HEATR4: variants seen among roughly 807,000 people sequenced by gnomAD.
HEATR4 encodes HEAT repeat-containing protein 4.
A neutral mutation model predicts 108.8 loss-of-function variants in HEATR4; 95 were observed. That is an observed-to-expected ratio of 0.87 (90% CI 0.74 to 1.04). HEATR4 has a LOEUF of 1.04. Among genes scored for constraint, HEATR4 ranks in the 50% least tolerant of loss-of-function variants. HEATR4 has a pLI of 0.00. For synonymous variants in HEATR4, 443 were observed against 459.4 expected (o/e 0.96, Z 0.46); for missense variants, 1,152 against 1,253.8 (o/e 0.92, Z 1.23).
intron 10 of HEATR4, among the ~76,000 whole-genome samples, chr14:73,505,260 C>T (rs1886736722): frequency 6.6e-6 from 1 of 152,124 alleles, no homozygotes; most frequent in Admixed American, 6.6e-5. Flanking sequence ...ACACTAATCT[C>T]TCTCTCTCTG....
chr14:73,492,191 G>T lies in HEATR4; in HGVS notation c.2844+875C>A. 1 of 1,614,000 alleles carries T rather than the reference G, an allele frequency of 6.2e-7. No homozygotes were observed. The highest frequency in any genetic ancestry group is 8.5e-7 in the Non-Finnish European group (1 of 1,179,898). ...TGAGCCGGTGCTGCAGACCGTGCTGGAACCTGGAGATTTGCTGTATTTTCC... is the reference window on the plus strand; with the variant it reads ...TGAGCCGGTGCTGCAGACCGTGCTGTAACCTGGAGATTTGCTGTATTTTCC... On this transcript the variant is annotated intron_variant, in intron 17 of 17. Transcript: ENST00000553558. The surrounding 1 kb of genome is among the most constrained non-coding windows in gnomAD (Gnocchi z 4.9).
At chr14:73,592,192 T>C in the HEATR4 span, 1 of 1,609,806 alleles carries the variant, frequency 6.2e-7, no homozygotes, top group Admixed American at 1.7e-5. Flanking sequence ...CTCGAGCCCA[T>C]GGGGCTGCTC....
chr14:73,585,474 A>C, the HEATR4 span, among the ~76,000 whole-genome samples: 3,175 of 151,632 alleles, frequency 0.021, 112 homozygotes, highest in African/African-American at 0.071. Flanking sequence ...TACCTGGGCT[A>C]AGGAGTTCAA....
intron 10 of HEATR4, among the ~76,000 whole-genome samples, chr14:73,504,753 A>G (rs892669317): frequency 1.3e-5 from 2 of 152,188 alleles, no homozygotes. Flanking sequence ...GGGAATGGCA[A>G]TGTTCTGGGC....
rs1272211155 is a variant in HEATR4, at chr14:73,544,678, T to G, written c.-152+14073A>C. ...TAGGCTTGGCATGGTGGCTCACACT[T>G]GTAATGCCAGCACTTTGGGAGGCCA... On this transcript the variant is annotated intron_variant, in intron 1 of 17. Coordinates refer to ENST00000553558, the MANE Select transcript of HEATR4 (RefSeq NM_001220484.1). Among the ~76,000 whole-genome samples the G allele has an allele frequency of 9.5e-5, 11 of 115,456 alleles. 2 individuals are homozygous for G. Among genetic ancestry groups the G allele is most frequent in the African/African-American group, 3.1e-4 (11 of 35,518 alleles). 75.7% of individuals were successfully genotyped at this position (115,456 alleles called of 152,430 possible).
the HEATR4 span, among the ~76,000 whole-genome samples, chr14:73,622,065 T>A: frequency 6.6e-6 from 1 of 151,274 alleles, no homozygotes; most frequent in Non-Finnish European, 1.5e-5. Flanking sequence ...GCCTGGCCTG[T>A]GTAGTATAAT....
chr14:73,572,739 G>A, the HEATR4 span, among the ~76,000 whole-genome samples: 3 of 146,926 alleles, frequency 2.0e-5, no homozygotes, highest in East Asian at 2.0e-4. Context: ...TCCACCTCCC[G>A]GGTTCAAGCG....
the HEATR4 span, among the ~76,000 whole-genome samples, chr14:73,598,989 G>A: frequency 6.6e-6 from 1 of 152,006 alleles, no homozygotes; most frequent in Non-Finnish European, 1.5e-5. Flanking sequence ...GGGCAACACA[G>A]CGAGACTGTC....
chr14:73,565,787 G>A, the HEATR4 span, among the ~76,000 whole-genome samples: 2 of 152,030 alleles, frequency 1.3e-5, no homozygotes, highest in Non-Finnish European at 2.9e-5. Flanking sequence ...GCTCATAAAG[G>A]CAGTGTGGAC....
the HEATR4 span, among the ~76,000 whole-genome samples, chr14:73,624,894 T>C: frequency 1.4e-4 from 22 of 152,300 alleles, no homozygotes; most frequent in Non-Finnish European, 2.8e-4. Flanking sequence ...GTATACTTTG[T>C]TTTATTGGGC....
Position 73,503,026 on chromosome 14 carries a change from A to G in HEATR4, c.1987-13T>C. On this transcript the variant is annotated splice_polypyrimidine_tract_variant and intron_variant, in intron 10 of 17. Transcript: ENST00000553558. ...TATGTTTCATATCCTATAAATAGGT[A>G]TGATCATTAGGTATCATCACTTAAT... is the stretch of plus-strand genomic sequence containing the variant. The G allele has an allele frequency of 6.3e-7, 1 of 1,580,054 alleles. No homozygotes were observed. Among genetic ancestry groups the G allele is most frequent in the Non-Finnish European group, 8.7e-7 (1 of 1,149,974 alleles).
At chr14:73,505,066 G>A (rs913101889) in intron 10 of HEATR4, among the ~76,000 whole-genome samples, 1 of 152,094 alleles carries the variant, frequency 6.6e-6, no homozygotes, top group Non-Finnish European at 1.5e-5. Flanking sequence ...AAGTAGCTGG[G>A]ATGACAGGTG....
rs1227968670 is a variant in HEATR4 at position 73,532,637 on chromosome 14, G to A, written c.-151-2393C>T. On this transcript the variant is annotated intron_variant, in intron 1 of 17. Transcript: ENST00000553558. ...GATGGTTGGACCACCATAAAAGAGC[G>A]AGAGGGTACGTTTTTGGTATGAAAA... Among the ~76,000 whole-genome samples the A allele has an allele frequency of 5.2e-5, 6 of 115,322 alleles. 1 individual carries two copies. Among genetic ancestry groups the A allele is most frequent in the East Asian group, 1.3e-3 (2 of 1,488 alleles). The allele number at this position is 115,322 out of a possible 152,430, so 75.7% of individuals were successfully genotyped here. A position where few individuals can be genotyped will look rare whatever the true frequency, so the allele number is the denominator to read the frequency against.
the HEATR4 span, among the ~76,000 whole-genome samples, chr14:73,606,046 C>T: frequency 6.6e-6 from 1 of 152,104 alleles, no homozygotes. Context: ...GCTTCAATTC[C>T]CTGTGATTTC....
chr14:73,598,549 T>C, the HEATR4 span, among the ~76,000 whole-genome samples: 1 of 152,024 alleles, frequency 6.6e-6, no homozygotes, highest in Admixed American at 6.6e-5. Flanking sequence ...CAGGAACACC[T>C]GCCTTTGGAG....
the HEATR4 span, chr14:73,591,987 C>T: frequency 7.1e-7 from 1 of 1,415,996 alleles, no homozygotes; most frequent in Non-Finnish European, 9.2e-7. Context: ...CCTGGAGCCC[C>T]CAGGCCGCTG....
At chr14:73,613,514 T>C in the HEATR4 span, among the ~76,000 whole-genome samples, 4 of 152,176 alleles carry the variant, frequency 2.6e-5, no homozygotes, top group Admixed American at 2.6e-4. Context: ...GCCCTTTAAT[T>C]GTTTAAAAAC....
At position 73,522,773 on chromosome 14, in the gene HEATR4, G is replaced by A. The variant is rs1202200308; in HGVS notation, c.380C>T (p.Pro127Leu). The A allele has an allele frequency of 1.9e-6, 3 of 1,614,056 alleles. No homozygotes were observed. Among genetic ancestry groups the A allele is most frequent in the Admixed American group, 3.3e-5 (2 of 60,002 alleles). ...AGCCAGGGAGGTGTCTCCTGTTAAG[G>A]GACTTGAGGAACCCAGGAACTTGAA... The part of the protein sequence containing the change: ...VSFKFLGSSS[P>L]LTGDTSLAVK... Residue 127 changes from proline to leucine, a missense_variant, in exon 3 of 18, where the codon CCC becomes CTC. Coordinates refer to ENST00000553558, the MANE Select transcript of HEATR4 (RefSeq NM_001220484.1).
chr14:73,593,638 C>A, the HEATR4 span: 1 of 1,470,672 alleles, frequency 6.8e-7, no homozygotes, highest in Non-Finnish European at 9.2e-7. Context: ...CCACAGTGTC[C>A]AGCCAGGAAA....
Sources: allele counts gnomAD v4.1 joint callset (sites outside exome capture counted in the v4.1 genomes callset), GRCh38; gene constraint gnomAD v4.1.1; non-coding constraint Gnocchi (gnomAD v3.1); transcripts MANE v1.5; gene names NCBI Gene and HGNC (gene_info 2026-07-23, HGNC 2026-07-21).